ACACA: variants seen among roughly 807,000 people sequenced by gnomAD.
ACACA encodes acetyl-CoA carboxylase 1.
In ACACA, 103 loss-of-function variants were observed where a neutral mutation model predicts 296.1. The ratio of observed to expected loss-of-function variants is 0.35; its 90% CI spans 0.30 to 0.41. The LOEUF (loss-of-function observed/expected upper bound fraction) is 0.41. Among genes scored for constraint, ACACA ranks in the 10% least tolerant of loss-of-function variants. The probability of loss-of-function intolerance (pLI) is 1.00; values close to 1 mark genes in which losing one functional copy is unlikely to be tolerated. For missense variants in ACACA, 1,554 were observed against 2,989.7 expected, an observed-to-expected ratio of 0.52 and a Z score of 11.20; for synonymous variants, 953 against 1,038.6, an observed-to-expected ratio of 0.92 and a Z score of 1.58.
chr17:37,150,677 C>T (rs1268224350), intron 44 of ACACA, among the ~76,000 whole-genome samples: 1 of 151,816 alleles, frequency 6.6e-6, no homozygotes, highest in Non-Finnish European at 1.5e-5. Flanking sequence ...CACTTGAGCC[C>T]AGGGGGTAAA....
At chr17:37,348,939 A>G (rs1385001504) in intron 1 of ACACA, among the ~76,000 whole-genome samples, 1 of 144,698 alleles carries the variant, frequency 6.9e-6, no homozygotes, top group Non-Finnish European at 1.5e-5. Flanking sequence ...ACAGAGTGAG[A>G]CTCCGTCTCA....
At chr17:37,286,897 G>A (rs2082801688) in intron 3 of ACACA, among the ~76,000 whole-genome samples, 1 of 152,180 alleles carries the variant, frequency 6.6e-6, no homozygotes, top group Admixed American at 6.5e-5. Flanking sequence ...AGACTTAGAG[G>A]TGATAGCTAC....
Position 37,086,085 on chromosome 17 carries a change from A to G in ACACA, c.*1231T>C, listed in dbSNP as rs1442208009. Reference sequence around the variant, plus strand: ...GCCAGTAAGCCTGGAGGACAGCAGCACCATGACTGAGTTGTAAATAATCTT... The same window carrying G: ...GCCAGTAAGCCTGGAGGACAGCAGCGCCATGACTGAGTTGTAAATAATCTT... On this transcript the variant is annotated 3_prime_UTR_variant, in exon 56 of 56. Coordinates refer to ENST00000616317, the MANE Select transcript of ACACA (RefSeq NM_198834.3). 8.9e-6 allele frequency: 3 copies of G among 338,938 alleles called. No homozygotes were observed. Among genetic ancestry groups the G allele is most frequent in the Non-Finnish European group, 1.6e-5 (3 of 189,308 alleles). 21.0% of individuals were successfully genotyped at this position (338,938 alleles called of 1,614,324 possible).
Position 37,245,071 on chromosome 17 carries a change from C to T in ACACA, c.2595+9G>A. The T allele has an allele frequency of 6.2e-7, 1 of 1,614,212 alleles. No individual in the cohort carries two copies. Among genetic ancestry groups the T allele is most frequent in the Non-Finnish European group, 8.5e-7 (1 of 1,180,030 alleles). On this transcript the variant is annotated intron_variant, in intron 20 of 55. Coordinates refer to ENST00000616317, the MANE Select transcript of ACACA (RefSeq NM_198834.3). The stretch of plus-strand genomic sequence containing the variant: ...TAGAGAGCAATATTCGGAGCACCTT[C>T]CTACTCACCTGCTGAACCTTGCTGG...
chr17:37,182,321 CATATT>C (rs983032876), intron 39 of ACACA, among the ~76,000 whole-genome samples: 19 of 150,574 alleles, frequency 1.3e-4, no homozygotes, highest in African/African-American at 4.2e-4. Context: ...GTAAAATAAC[CATATT>C]ATATTAAATT....
chr17:37,196,649 C>T (rs1424649454), intron 35 of ACACA, among the ~76,000 whole-genome samples: 1 of 151,408 alleles, frequency 6.6e-6, no homozygotes, highest in Non-Finnish European at 1.5e-5. Context: ...AATATTATAT[C>T]CCAATTAGAC....
At chr17:37,174,020 A>ATATATATATTTT (rs552735515) in intron 41 of ACACA, among the ~76,000 whole-genome samples, 1 of 16,796 alleles carries the variant, frequency 6.0e-5, no homozygotes, top group Non-Finnish European at 9.9e-5. Context: ...ATATATATAT[A>ATATATATATTTT]TTTTTTTTTT....
At chr17:37,252,563 G>C (rs571048081) in intron 15 of ACACA, among the ~76,000 whole-genome samples, 1 of 152,232 alleles carries the variant, frequency 6.6e-6, no homozygotes, top group African/African-American at 2.4e-5. Context: ...TCTAAATGAG[G>C]CCTCTCTCTT....
At chr17:37,186,053 A>G (rs1331463810) in intron 39 of ACACA, among the ~76,000 whole-genome samples, 2 of 152,354 alleles carry the variant, frequency 1.3e-5, no homozygotes, top group East Asian at 3.9e-4. Flanking sequence ...CCTTATTGGC[A>G]GAATGAATAA....
chr17:37,357,920 T>C (rs1184228746), intron 1 of ACACA, among the ~76,000 whole-genome samples: 1 of 152,088 alleles, frequency 6.6e-6, no homozygotes, highest in Non-Finnish European at 1.5e-5. Flanking sequence ...TCTCAATCTA[T>C]ACTACCGAAT....
At chr17:37,149,037 T>C (rs550896447) in intron 45 of ACACA, among the ~76,000 whole-genome samples, 1 of 152,288 alleles carries the variant, frequency 6.6e-6, no homozygotes, top group African/African-American at 2.4e-5. Context: ...AGAAAATAAT[T>C]TTCCTATGCT....
chr17:37,314,320 C>T (rs976450417), intron 3 of ACACA, among the ~76,000 whole-genome samples: 106 of 151,998 alleles, frequency 7.0e-4, no homozygotes, highest in African/African-American at 2.4e-3. Context: ...AGGATGGTCT[C>T]GATCTCCTGA....
chr17:37,209,724 C>G (rs973693694), intron 30 of ACACA, among the ~76,000 whole-genome samples: 1 of 152,282 alleles, frequency 6.6e-6, no homozygotes, highest in South Asian at 2.1e-4. Flanking sequence ...TCTGCAAAGA[C>G]CTTGCCATCA....
intron 33 of ACACA, among the ~76,000 whole-genome samples, chr17:37,205,275 G>A (rs1171601346): frequency 1.3e-5 from 2 of 152,094 alleles, no homozygotes; most frequent in Non-Finnish European, 2.9e-5. Context: ...GGAGAGGGAC[G>A]AGAAGAGGTG....
intron 54 of ACACA, among the ~76,000 whole-genome samples, chr17:37,094,966 C>T (rs965981238): frequency 6.6e-6 from 1 of 152,266 alleles, no homozygotes; most frequent in Admixed American, 6.5e-5. Context: ...CTTGTACACA[C>T]GTGGTCAACT....
intron 52 of ACACA, among the ~76,000 whole-genome samples, chr17:37,102,777 G>C (rs2073441713): frequency 6.6e-6 from 1 of 152,230 alleles, no homozygotes. Context: ...GGAGGATGCT[G>C]GCTTCTGGGC....
At chr17:37,351,234 G>GTGGGT (rs1568037726) in intron 1 of ACACA, among the ~76,000 whole-genome samples, 2 of 152,190 alleles carry the variant, frequency 1.3e-5, no homozygotes, top group Admixed American at 1.3e-4. Context: ...GGCCAAGACC[G>GTGGGT]GAGGATCACC....
At chr17:37,355,773 G>A (rs976452267) in intron 1 of ACACA, among the ~76,000 whole-genome samples, 5 of 151,890 alleles carry the variant, frequency 3.3e-5, no homozygotes, top group Non-Finnish European at 1.5e-5. Flanking sequence ...CAGGAGAATC[G>A]CTTGAACCCG....
chr17:37,268,745 A>ATCTATCTATCTATCTATC (rs750854724), intron 10 of ACACA, among the ~76,000 whole-genome samples: 3 of 113,004 alleles, frequency 2.7e-5, no homozygotes, highest in African/African-American at 9.1e-5. Context: ...ATCTATCTAT[A>ATCTATCTATCTATCTATC]TATATATATA....
Sources: allele counts gnomAD v4.1 joint callset (sites outside exome capture counted in the v4.1 genomes callset), GRCh38; gene constraint gnomAD v4.1.1; transcripts MANE v1.5; gene names NCBI Gene and HGNC (gene_info 2026-07-23, HGNC 2026-07-21).